Variants in GYS1 observed in about 807,000 individuals in gnomAD.
The protein encoded by GYS1 is glycogen [starch] synthase, muscle.
In GYS1, 60 loss-of-function variants were observed where a neutral mutation model predicts 89.1. The ratio of observed to expected loss-of-function variants is 0.67; its 90% confidence interval spans 0.55 to 0.84. GYS1 has a LOEUF of 0.84. GYS1 is among the 40% of genes least tolerant of loss of function. The pLI, the probability that GYS1 is intolerant of heterozygous loss-of-function variation, is 0.00. For synonymous variants in GYS1, 366 were observed against 401.7 expected (o/e 0.91, Z 1.06); for missense variants, 888 against 1,003.1 (o/e 0.89, Z 1.55).
At position 48,969,580 on chromosome 19, in the gene GYS1, G is replaced by A. The variant is rs137913986; in HGVS notation, c.1922C>T (p.Ser641Leu). 18 of 1,538,078 alleles carry A rather than the reference G, an allele frequency of 1.2e-5. No individual in the cohort carries two copies. Among genetic ancestry groups the A allele is most frequent in the African/African-American group, 1.1e-4 (8 of 72,978 alleles). ...TGACAGCGAGGGCGACGGTGGCACC[G>A]AGGCTGGCCGTGGGTAGCGGTACCC... ...AQGYRYPRPA[S>L]VPPSPSLSRH... The change falls in exon 16 of 16, where the codon TCG (serine) becomes TTG (leucine). Residue 641 changes from serine (S) to leucine (L), a missense_variant. Physicochemically the swap from Ser to Leu is moderately radical, Grantham distance 145 (BLOSUM62 -2). Transcript: ENST00000323798.
chr19:48,973,884 G>A (rs999576696), intron 12 of GYS1, among the ~76,000 whole-genome samples: 1 of 152,128 alleles, frequency 6.6e-6, no homozygotes, highest in Non-Finnish European at 1.5e-5. Flanking sequence ...TGGGCACTGG[G>A]AACGTCTTAC....
At position 48,974,232 on chromosome 19, in the gene GYS1, C is replaced by T; in HGVS notation, c.1530G>A (p.Glu510=). 6.2e-7 allele frequency: 1 copy of T among 1,608,832 alleles called. No individual in the cohort carries two copies. Among genetic ancestry groups the T allele is most frequent in the Non-Finnish European group, 8.5e-7 (1 of 1,177,604 alleles). The change falls in exon 12 of 16, where the codon GAG becomes GAA. Residue 510 remains glutamate (E), a synonymous_variant. Transcript: ENST00000323798. Reference sequence around the variant, plus strand: ...ACTCACCCGGTGTGTAGCCCCAAGGCTCATAGTAGGAGGGGAAGACTCCAA... The same window carrying T: ...ACTCACCCGGTGTGTAGCCCCAAGGTTCATAGTAGGAGGGGAAGACTCCAA... ...CHLGVFPSYY[E]PWGYTPAECT...
intron 10 of GYS1, 27 bp downstream of exon 10, chr19:48,977,897 C>T: frequency 6.3e-7 from 1 of 1,579,008 alleles, no homozygotes; most frequent in Non-Finnish European, 8.7e-7. Flanking sequence ...GAACTGCTAT[C>T]TCTCTGCACA....
intron 12 of GYS1, 97 bp from the exon 13 acceptor site, chr19:48,971,120 T>A (rs2038559199): frequency 1.2e-6 from 1 of 838,632 alleles, no homozygotes. Context: ...CTGGCGCCTG[T>A]ACCAAGTGCC....
intron 2 of GYS1, among the ~76,000 whole-genome samples, chr19:48,988,015 G>A (rs1309949358): frequency 6.6e-6 from 1 of 152,170 alleles, no homozygotes; most frequent in Non-Finnish European, 1.5e-5. Flanking sequence ...TGTTAGCCAG[G>A]ATGATCTCCA....
Position 48,969,604 on chromosome 19 carries a change from C to T in GYS1, c.1898G>A (p.Gly633Glu), listed in dbSNP as rs764135201. The T allele has an allele frequency of 3.2e-6, 5 of 1,539,748 alleles. No individual in the cohort carries two copies. Among genetic ancestry groups the T allele is most frequent in the African/African-American group, 2.7e-5 (2 of 72,970 alleles). Residue 633 changes from glycine (G) to glutamate (E), a missense_variant, in exon 16 of 16, where the codon GGG becomes GAG. Gly to Glu is a moderately conservative substitution (Grantham distance 98). Coordinates refer to ENST00000323798, the MANE Select transcript of GYS1 (RefSeq NM_002103.5). ...YEPNEADAAQ[G>E]YRYPRPASVP... is the part of the protein sequence containing the mutation. The stretch of plus-strand genomic sequence containing the variant: ...CGAGGCTGGCCGTGGGTAGCGGTAC[C>T]CCTGGGCCTGCATACGGCGATGTGG...
chr19:48,987,029 G>A (rs113175470), intron 3 of GYS1, among the ~76,000 whole-genome samples, 165 bp downstream of exon 3: 1 of 152,196 alleles, frequency 6.6e-6, no homozygotes, highest in African/African-American at 2.4e-5. Context: ...ATCGAGAGTA[G>A]AGCCTGGGCC....
chr19:48,982,155 A>T (rs1283238451), intron 7 of GYS1, 100 bp downstream of exon 7: 2 of 1,279,806 alleles, frequency 1.6e-6, no homozygotes, highest in East Asian at 4.9e-5. Context: ...GGCCTCCAAA[A>T]GTGTTGGGAT....
In GYS1 at chr19:48,970,588, C is replaced by G; in HGVS notation, c.1767G>C (p.Thr589=). The G allele has an allele frequency of 6.2e-7, 1 of 1,613,878 alleles. No homozygotes were observed. Among genetic ancestry groups the G allele is most frequent in the Non-Finnish European group, 8.5e-7 (1 of 1,179,906 alleles). ...AGTCCAGAAGGTCGGAGAGGCGCTC[C>G]GTGCGGTTCCGCTGGATGATACGCT... ...RRQRIIQRNR[T]ERLSDLLDWK... is the part of the protein sequence containing the mutation. Residue 589 remains threonine, a synonymous_variant, in exon 14 of 16, where the codon ACG becomes ACC. Transcript: ENST00000323798.
chr19:48,984,370 T>G (rs555684338), intron 5 of GYS1, among the ~76,000 whole-genome samples: 1 of 149,264 alleles, frequency 6.7e-6, no homozygotes, highest in African/African-American at 2.5e-5. Flanking sequence ...AGTCCAATTT[T>G]GGATTTTGAT....
rs147489255 is a variant in GYS1 at position 48,968,987 on chromosome 19, C to T, written c.*301G>A. On this transcript the variant is annotated 3_prime_UTR_variant, in exon 16 of 16. Coordinates refer to ENST00000323798, the MANE Select transcript of GYS1 (RefSeq NM_002103.5). ...CACCATGCCAGGTTTCCTAAAACCT[C>T]TGGCACCACCGCAGAGTAATGGCAG... 1,719 of 611,936 alleles carry T rather than the reference C, an allele frequency of 2.8e-3. 13 individuals are homozygous for T. Among genetic ancestry groups the T allele is most frequent in the Middle Eastern group, 0.018 (43 of 2,332 alleles). The allele number at this position is 611,936 out of a possible 1,614,324, so 37.9% of individuals were successfully genotyped here. A position where few individuals can be genotyped will look rare whatever the true frequency, so the allele number is the denominator to read the frequency against.
Position 48,969,448 on chromosome 19 carries a change from C to G in GYS1, c.2054G>C (p.Arg685Pro), listed in dbSNP as rs1490178936. The change falls in exon 16 of 16, where the codon CGG (arginine) becomes CCG (proline). Residue 685 changes from arginine to proline, a missense_variant. Physicochemically the swap from Arg to Pro is moderately radical, Grantham distance 103. Transcript: ENST00000323798. ...YDEDEEAAKDRRNIRAPEWPR... is the reference protein window; with the variant it reads ...YDEDEEAAKDPRNIRAPEWPR... ...CCACTCTGGTGCACGGATGTTGCGC[C>G]GGTCCTTGGCGGCCTCCTCGTCCTC... 4 of 1,545,036 alleles carry G rather than the reference C, an allele frequency of 2.6e-6. No individual in the cohort carries two copies. In the African/African-American group the frequency reaches 5.5e-5, roughly 21 times the overall value.
intron 10 of GYS1, among the ~76,000 whole-genome samples, chr19:48,977,357 C>T (rs899004375): frequency 1.5e-4 from 23 of 152,200 alleles, no homozygotes; most frequent in Non-Finnish European, 2.9e-4. Context: ...CTTTGGGAGG[C>T]TGAGGCAGAC....
rs559868321 is a variant in GYS1, at chr19:48,982,909, G to C, written c.824-72C>G. 5.4e-6 allele frequency: 6 copies of C among 1,118,388 alleles called. No individual in the cohort carries two copies. The East Asian group carries it at 1.2e-4, about 22-fold the overall frequency. 69.3% of individuals were successfully genotyped at this position (1,118,388 alleles called of 1,614,324 possible). On this transcript the variant is annotated intron_variant, in intron 5 of 15. Coordinates refer to ENST00000323798, the MANE Select transcript of GYS1 (RefSeq NM_002103.5). ...CAATGTTGTGGTTGAATGAATAAATGAAGAAAACACCCTTTGCCTTTTGCA... is the reference window on the plus strand; with the variant it reads ...CAATGTTGTGGTTGAATGAATAAATCAAGAAAACACCCTTTGCCTTTTGCA...
intron 7 of GYS1, 53 bp from the exon 8 acceptor site, chr19:48,981,689 A>C (rs962309866): frequency 8.7e-7 from 1 of 1,148,288 alleles, no homozygotes. Context: ...GAAGCCTGGA[A>C]CCAGCCAGCC....
chr19:48,968,252 C>T lies in GYS1; in HGVS notation c.*1036G>A, dbSNP rs1267296087. 4.4e-6 allele frequency: 2 copies of T among 454,344 alleles called. No individual in the cohort carries two copies. The highest frequency in any genetic ancestry group is 4.0e-5 in the African/African-American group (2 of 50,114). The allele number at this position is 454,344 out of a possible 1,614,324, so 28.1% of individuals were successfully genotyped here. A position where few individuals can be genotyped will look rare whatever the true frequency, so the allele number is the denominator to read the frequency against. ...GACACAGCACAGCACACATGAGGGG[C>T]CCTCCCTTTCACCAAAGCTGAAGGC... is the stretch of plus-strand genomic sequence containing the variant. On this transcript the variant is annotated 3_prime_UTR_variant, in exon 16 of 16. Coordinates refer to ENST00000323798, the MANE Select transcript of GYS1 (RefSeq NM_002103.5).
At position 48,987,375 on chromosome 19, in the gene GYS1, C is replaced by T; in HGVS notation, c.311G>A (p.Gly104Glu). The T allele has an allele frequency of 1.9e-6, 3 of 1,601,370 alleles. No individual in the cohort carries two copies. Among genetic ancestry groups the T allele is most frequent in the Non-Finnish European group, 2.6e-6 (3 of 1,173,110 alleles). ...MNSKGCKVYF[G>E]RWLIEGGPLV... is the part of the protein sequence containing the mutation. ...AGGGCCTCCCTCGATCAGCCAGCGC[C>T]CGAAATACACCTGGGATGGGGTTGG... The change falls in exon 3 of 16, where the codon GGG (glycine) becomes GAG (glutamate). Residue 104 changes from glycine (G) to glutamate (E), a missense_variant. Transcript: ENST00000323798.
At chr19:48,974,426 T>A in intron 11 of GYS1, 87 bp from the exon 12 acceptor site, 2 of 1,438,314 alleles carry the variant, frequency 1.4e-6, no homozygotes, top group Non-Finnish European at 2.0e-6. Context: ...GGTAAAAAGC[T>A]TGTCTAGCAT....
chr19:48,982,789 T>G lies in GYS1; in HGVS notation c.872A>C (p.His291Pro). ...GLNVKKFSAM[H>P]EFQNLHAQSK... is the part of the protein sequence containing the mutation. ...CTGAGCATGGAGGTTCTGGAACTCATGCATGGCAGAAAACTTCTTCACATT... is the reference window on the plus strand; with the variant it reads ...CTGAGCATGGAGGTTCTGGAACTCAGGCATGGCAGAAAACTTCTTCACATT... Residue 291 changes from histidine to proline, a missense_variant, in exon 6 of 16, where the codon CAT becomes CCT. By Grantham distance (77) the His-to-Pro change is moderately conservative. Transcript: ENST00000323798. 1 of 1,613,980 alleles carries G rather than the reference T, an allele frequency of 6.2e-7. No homozygotes were observed. The highest frequency in any genetic ancestry group is 8.5e-7 in the Non-Finnish European group (1 of 1,179,826).
Sources: gnomAD v4.1 joint callset for allele counts (sites outside exome capture counted in the v4.1 genomes callset) on GRCh38, gnomAD v4.1.1 for gene constraint, MANE v1.5 for transcripts, NCBI Gene and HGNC (gene_info 2026-07-23, HGNC 2026-07-21) for gene names.